Variants in CCDC93 observed in about 807,000 individuals in gnomAD.
The protein encoded by CCDC93 is CCC complex scaffolding subunit CCDC93.
A neutral mutation model predicts 108.2 loss-of-function variants in CCDC93; 61 were observed. The observed-to-expected ratio is 0.56, with a 90% CI of 0.46 to 0.70. The LOEUF is 0.70. Among genes scored for constraint, CCDC93 ranks in the 30% least tolerant of loss-of-function variants. CCDC93 has a pLI of 0.00. For synonymous variants in CCDC93, 276 were observed against 260.4 expected, an observed-to-expected ratio of 1.06 and a Z score of -0.58; for missense variants, 685 against 764.2, an observed-to-expected ratio of 0.90 and a Z score of 1.22.
At chr2:118,009,687 CA>C in intron 1 of CCDC93, among the ~76,000 whole-genome samples, 1 of 151,954 alleles carries the variant, frequency 6.6e-6, no homozygotes, top group East Asian at 1.9e-4. Context: ...AACAAACAAA[CA>C]AAAAAAGTTA....
Position 117,920,277 on chromosome 2 carries a change from G to T in CCDC93, c.*66C>A, listed in dbSNP as rs945470252. The T allele has an allele frequency of 2.8e-6, 3 of 1,052,882 alleles. No homozygotes were observed. The highest frequency in any genetic ancestry group is 4.4e-6 in the Non-Finnish European group (3 of 687,634). 65.2% of individuals were successfully genotyped at this position (1,052,882 alleles called of 1,614,324 possible). On this transcript the variant is annotated 3_prime_UTR_variant, in exon 24 of 24. Transcript: ENST00000376300. ...ACTGTCGCTTTCAGAACCATTTCAT[G>T]ATCTTGTAGGTGATATACGGTGCTT...
intron 7 of CCDC93, among the ~76,000 whole-genome samples, chr2:117,979,705 A>T (rs1182412188): frequency 6.6e-6 from 1 of 152,210 alleles, no homozygotes; most frequent in East Asian, 1.9e-4. Context: ...AAATAAACCT[A>T]TAGGTCCAAA....
At chr2:117,951,679 C>CA in intron 13 of CCDC93, 2 of 1,000,244 alleles carry the variant, frequency 2.0e-6, no homozygotes, top group Non-Finnish European at 2.4e-6. Flanking sequence ...GACAGCTTTT[C>CA]AAGTCTGGAT....
intron 13 of CCDC93, chr2:117,950,662 T>A (rs1679023108): frequency 1.0e-6 from 1 of 985,272 alleles, no homozygotes; most frequent in Non-Finnish European, 1.2e-6. Flanking sequence ...ACTCCTAACC[T>A]TGATAGGTAA....
At chr2:117,954,834 T>C (rs1214383230) in intron 12 of CCDC93, among the ~76,000 whole-genome samples, 1 of 152,216 alleles carries the variant, frequency 6.6e-6, no homozygotes, top group African/African-American at 2.4e-5. Flanking sequence ...CATGGTGTTC[T>C]CGTGATAGTG....
At chr2:117,935,834 A>G (rs570200283) in intron 21 of CCDC93, 10 of 344,046 alleles carry the variant, frequency 2.9e-5, no homozygotes, top group Non-Finnish European at 4.7e-5. Flanking sequence ...TGTAACTTTC[A>G]TAACTAATAT....
intron 11 of CCDC93, among the ~76,000 whole-genome samples, chr2:117,961,465 CTTTG>C (rs757112641): frequency 6.6e-6 from 1 of 152,148 alleles, no homozygotes; most frequent in Non-Finnish European, 1.5e-5. Context: ...TGGGAAGCTG[CTTTG>C]TTTAATGGGA....
At chr2:117,974,090 T>C (rs1679854926) in intron 10 of CCDC93, 96 bp from the exon 11 acceptor site, 13 of 803,458 alleles carry the variant, frequency 1.6e-5, no homozygotes, top group East Asian at 8.0e-5. Context: ...CACTCTATTA[T>C]GGTAAAACAT....
In CCDC93 at chr2:117,941,114, C is replaced by A. The variant is rs1573473148; in HGVS notation, c.1522+75G>T. Reference sequence around the variant, plus strand: ...GGACTGTGCTCTGGTGCATGCTCCCCCATGCTAAAGTGGAACAGACCCCTC... The same window carrying A: ...GGACTGTGCTCTGGTGCATGCTCCCACATGCTAAAGTGGAACAGACCCCTC... On this transcript the variant is annotated intron_variant, in intron 19 of 23. Coordinates refer to ENST00000376300, the MANE Select transcript of CCDC93 (RefSeq NM_019044.5). 1.1e-5 allele frequency: 11 copies of A among 1,025,810 alleles called. No homozygotes were observed. The East Asian group carries it at 2.4e-4, about 22-fold the overall frequency. 63.5% of individuals were successfully genotyped at this position (1,025,810 alleles called of 1,614,324 possible).
intron 4 of CCDC93, 136 bp downstream of exon 4, chr2:118,000,685 A>G: frequency 1.7e-6 from 1 of 605,440 alleles, no homozygotes; most frequent in Non-Finnish European, 3.0e-6. Context: ...GAACACCACC[A>G]TGTTCTGCTG....
At chr2:117,947,884 C>T (rs1678923942) in intron 15 of CCDC93, 5 of 381,140 alleles carry the variant, frequency 1.3e-5, no homozygotes, top group Non-Finnish European at 1.4e-5. Flanking sequence ...TTAGTAGAGA[C>T]GGGGTTTCAC....
At chr2:117,926,799 T>A (rs7420150) in intron 23 of CCDC93, among the ~76,000 whole-genome samples, 7 of 151,646 alleles carry the variant, frequency 4.6e-5, no homozygotes, top group South Asian at 2.1e-4. Flanking sequence ...TACCAAAGCC[T>A]GGCAGAGACA....
Position 117,972,602 on chromosome 2 carries a change from G to T in CCDC93, c.888+1306C>A, listed in dbSNP as rs551108491. Among the ~76,000 whole-genome samples the T allele has an allele frequency of 1.6e-4, 22 of 139,492 alleles. No homozygotes were observed. In the East Asian group the frequency reaches 4.1e-3, roughly 26 times the overall value. 91.5% of individuals were successfully genotyped at this position (139,492 alleles called of 152,430 possible). On this transcript the variant is annotated intron_variant, in intron 11 of 23. Coordinates refer to ENST00000376300, the MANE Select transcript of CCDC93 (RefSeq NM_019044.5). ...GAAACAGCAGTGGGTGCTCTATCCA[G>T]TTGTCATTTTTTTTTTTTTCTGAAA...
intron 12 of CCDC93, among the ~76,000 whole-genome samples, chr2:117,954,826 T>C (rs1489100929): frequency 2.0e-5 from 3 of 152,208 alleles, no homozygotes; most frequent in Admixed American, 2.0e-4. Flanking sequence ...GTTTACCCCA[T>C]GGTGTTCTCG....
intron 3 of CCDC93, among the ~76,000 whole-genome samples, chr2:118,004,470 G>A (rs1412417458): frequency 6.6e-6 from 1 of 152,196 alleles, no homozygotes; most frequent in Non-Finnish European, 1.5e-5. Context: ...GCCGTCAATA[G>A]GCAAGTGTGC....
intron 4 of CCDC93, chr2:117,998,016 T>C (rs1270114596): frequency 6.6e-6 from 1 of 152,216 alleles, no homozygotes; most frequent in Non-Finnish European, 1.5e-5. Context: ...TTTTGGAGTT[T>C]CCAGCATGAA....
Position 117,954,949 on chromosome 2 carries a change from G to A in CCDC93, c.1006-2514C>T, listed in dbSNP as rs934388274. 2.6e-5 allele frequency among the ~76,000 whole-genome samples: 4 copies of A among 152,118 alleles called. No individual in the cohort carries two copies. In the East Asian group the frequency reaches 5.8e-4, roughly 22 times the overall value. On this transcript the variant is annotated intron_variant, in intron 12 of 23. Transcript: ENST00000376300. ...GAAGGACATGTTTGCTTCCCCTTCC[G>A]CCATGATTCTAAATTTACCCTGAGG...
At chr2:117,932,094 G>A (rs753925009) in intron 22 of CCDC93, among the ~76,000 whole-genome samples, 1 of 152,152 alleles carries the variant, frequency 6.6e-6, no homozygotes, top group Non-Finnish European at 1.5e-5. Flanking sequence ...CAGCCTGGAA[G>A]CTCAGAGAGG....
At chr2:117,989,413 A>C (rs1169965400) in intron 6 of CCDC93, among the ~76,000 whole-genome samples, 1 of 152,134 alleles carries the variant, frequency 6.6e-6, no homozygotes, top group East Asian at 1.9e-4. Flanking sequence ...TCTACCCTGC[A>C]AGCAAACCTG....
Sources: allele counts gnomAD v4.1 joint callset (sites outside exome capture counted in the v4.1 genomes callset), GRCh38; gene constraint gnomAD v4.1.1; transcripts MANE v1.5; gene names NCBI Gene and HGNC (gene_info 2026-07-23, HGNC 2026-07-21).